Variants in TENM2 observed in about 807,000 individuals in gnomAD.
The protein encoded by TENM2 is teneurin-2.
A neutral mutation model predicts 245.2 loss-of-function variants in TENM2; 52 were observed. That is an observed-to-expected ratio of 0.21 (90% confidence interval 0.17 to 0.27). TENM2 has a LOEUF of 0.27. Ranked by LOEUF, TENM2 falls within the 10% of genes least tolerant of loss-of-function variation. TENM2 has a pLI of 1.00. For missense variants in TENM2, 3,046 were observed against 3,666.8 expected, an observed-to-expected ratio of 0.83 and a Z score of 4.37; for synonymous variants, 1,363 against 1,438.9, an observed-to-expected ratio of 0.95 and a Z score of 1.19.
chr5:167,602,433 AT>A (rs1192767881), intron 2 of TENM2, among the ~76,000 whole-genome samples: 1 of 152,020 alleles, frequency 6.6e-6, no homozygotes, highest in Non-Finnish European at 1.5e-5. Flanking sequence ...CATCATCTGT[AT>A]TTTTTTATTG....
intron 2 of TENM2, among the ~76,000 whole-genome samples, chr5:167,639,534 G>T (rs1208055698): frequency 6.6e-6 from 1 of 152,038 alleles, no homozygotes; most frequent in African/African-American, 2.4e-5. Flanking sequence ...AGGCCAAGCT[G>T]GTTTATATCA....
intron 2 of TENM2, among the ~76,000 whole-genome samples, chr5:167,686,171 A>C (rs67528580): frequency 6.6e-6 from 1 of 152,096 alleles, no homozygotes; most frequent in Non-Finnish European, 1.5e-5. Flanking sequence ...GTGGCAAAGA[A>C]CATCTTTGTA....
At chr5:167,507,199 G>GA (rs1348148329) in intron 2 of TENM2, among the ~76,000 whole-genome samples, 4 of 152,030 alleles carry the variant, frequency 2.6e-5, no homozygotes, top group African/African-American at 4.8e-5. Context: ...GGAATCAAAA[G>GA]AAAAAATTAT....
At chr5:167,034,002 A>G in the TENM2 span, among the ~76,000 whole-genome samples, 1 of 152,322 alleles carries the variant, frequency 6.6e-6, no homozygotes, top group Admixed American at 6.5e-5. Flanking sequence ...TAAAACAAGT[A>G]TTTAAAGATA....
At chr5:167,404,665 G>C (rs1166119640) in intron 2 of TENM2, among the ~76,000 whole-genome samples, 1 of 151,570 alleles carries the variant, frequency 6.6e-6, no homozygotes, top group African/African-American at 2.4e-5. Context: ...GAAATCTACA[G>C]TGGAGATCTA....
intron 2 of TENM2, among the ~76,000 whole-genome samples, chr5:167,782,996 C>T (rs1215512764): frequency 1.3e-5 from 2 of 152,134 alleles, no homozygotes; most frequent in Admixed American, 1.3e-4. Flanking sequence ...CAGGTGCATG[C>T]CTCCACTTGG....
chr5:168,053,321 T>C (rs1329465839), intron 6 of TENM2, among the ~76,000 whole-genome samples: 2 of 152,208 alleles, frequency 1.3e-5, no homozygotes, highest in Non-Finnish European at 2.9e-5. Flanking sequence ...TAGTTTCTGT[T>C]GTACATAGCA....
At chr5:167,014,153 T>TTTTTTTTTTC in the TENM2 span, among the ~76,000 whole-genome samples, 5 of 150,838 alleles carry the variant, frequency 3.3e-5, no homozygotes, top group East Asian at 1.9e-4. Context: ...TTTTTTTTTT[T>TTTTTTTTTTC]CTAAAATGAT....
rs1244369453 is a variant in TENM2 at position 167,876,145 on chromosome 5, A to G, written c.662A>G (p.Asn221Ser). ...AACCCTGATGAGGAATTCTCCCCCA[A>G]TTCATACCTGCTCAGAGCATGCTCA... The change falls in exon 3 of 29, where the codon AAT becomes AGT. Residue 221 changes from asparagine (N) to serine (S), a missense_variant. By Grantham distance (46) the Asn-to-Ser change is conservative (BLOSUM62 1). Around this residue, in one of 2 missense-constraint regions of TENM2, gnomAD observed 342 missense variants for 335.0 expected, o/e 1.02. Coordinates refer to ENST00000518659, the Ensembl canonical transcript of TENM2. The G allele has an allele frequency of 1.3e-5, 20 of 1,551,408 alleles. No homozygotes were observed. Among genetic ancestry groups the G allele is most frequent in the East Asian group, 7.3e-5 (3 of 40,924 alleles).
At chr5:167,837,953 T>C (rs1769157973) in intron 2 of TENM2, among the ~76,000 whole-genome samples, 1 of 152,160 alleles carries the variant, frequency 6.6e-6, no homozygotes, top group African/African-American at 2.4e-5. Flanking sequence ...CCCTTCATCC[T>C]CCTTTTGGTT....
chr5:168,028,560 G>A (rs551454443), intron 5 of TENM2, among the ~76,000 whole-genome samples: 16 of 152,268 alleles, frequency 1.1e-4, no homozygotes, highest in African/African-American at 3.4e-4. Flanking sequence ...TTGGTGACAG[G>A]TTGCCAAGTG....
At chr5:167,463,097 A>G (rs1766425878) in intron 2 of TENM2, among the ~76,000 whole-genome samples, 1 of 152,198 alleles carries the variant, frequency 6.6e-6, no homozygotes, top group Non-Finnish European at 1.5e-5. Context: ...ATAAAAATGT[A>G]AATAGAGATG....
At chr5:167,076,124 A>C in the TENM2 span, among the ~76,000 whole-genome samples, 16 of 152,156 alleles carry the variant, frequency 1.1e-4, no homozygotes, top group African/African-American at 3.6e-4. Flanking sequence ...TAAACATAAC[A>C]TACAAAAAAA....
chr5:167,108,020 C>T, the TENM2 span, among the ~76,000 whole-genome samples: 1 of 152,180 alleles, frequency 6.6e-6, no homozygotes, highest in African/African-American at 2.4e-5. Context: ...CTTATCCTTT[C>T]CTCTCTCTTC....
At chr5:167,222,146 C>G in the TENM2 span, among the ~76,000 whole-genome samples, 1 of 152,136 alleles carries the variant, frequency 6.6e-6, no homozygotes, top group African/African-American at 2.4e-5. Flanking sequence ...GGAATTTCAG[C>G]ATCTCAAAGC....
At chr5:167,049,609 A>G in the TENM2 span, among the ~76,000 whole-genome samples, 1 of 152,176 alleles carries the variant, frequency 6.6e-6, no homozygotes, top group Non-Finnish European at 1.5e-5. Flanking sequence ...TGATTTTTTG[A>G]AACAAAAATG....
intron 5 of TENM2, among the ~76,000 whole-genome samples, chr5:168,010,094 G>A (rs1298980740): frequency 1.3e-5 from 2 of 152,160 alleles, no homozygotes; most frequent in Admixed American, 6.5e-5. Context: ...CACATCTTAC[G>A]GAAGAATTAA....
At chr5:167,356,217 A>AAAAAAAGAAAAATT (rs1759321624) in intron 1 of TENM2, among the ~76,000 whole-genome samples, 5 of 129,094 alleles carry the variant, frequency 3.9e-5, no homozygotes, top group African/African-American at 1.6e-4. Flanking sequence ...AAAAAAAAAA[A>AAAAAAAGAAAAATT]AAAATTAAAA....
At chr5:167,153,688 C>CGT in the TENM2 span, among the ~76,000 whole-genome samples, 1 of 151,454 alleles carries the variant, frequency 6.6e-6, no homozygotes, top group African/African-American at 2.4e-5. Flanking sequence ...TATATACACA[C>CGT]ACACACACAT....
Sources: allele counts gnomAD v4.1 joint callset (sites outside exome capture counted in the v4.1 genomes callset), GRCh38; gene constraint gnomAD v4.1.1; regional missense constraint gnomAD v4.1.1; transcripts MANE v1.5; gene names NCBI Gene and HGNC (gene_info 2026-07-23, HGNC 2026-07-21).